TSPAN32: variants seen among roughly 807,000 people sequenced by gnomAD.
TSPAN32 encodes tetraspanin 32, also known as tetraspanin-32.
Under a neutral mutation model 42.7 loss-of-function variants are expected in TSPAN32, and 47 were observed. The observed-to-expected ratio is 1.10, with a 90% CI of 0.87 to 1.40. The LOEUF (loss-of-function observed/expected upper bound fraction) is 1.40. Ranked by LOEUF, TSPAN32 falls within the 40% of genes most tolerant of loss-of-function variation. The pLI is 0.00. For missense variants in TSPAN32, 469 were observed against 424.1 expected (o/e 1.11, Z -0.93); for synonymous variants, 175 against 175.9 (o/e 0.99, Z 0.04).
In TSPAN32 at chr11:2,317,921, C is replaced by A; in HGVS notation, c.960C>A (p.Asp320Glu). 9.3e-7 allele frequency: 1 copy of A among 1,074,276 alleles called. No homozygotes were observed. Among genetic ancestry groups the A allele is most frequent in the Non-Finnish European group, 1.5e-6 (1 of 687,444 alleles). The allele number at this position is 1,074,276 out of a possible 1,614,324, so 66.5% of individuals were successfully genotyped here. A position where few individuals can be genotyped will look rare whatever the true frequency, so the allele number is the denominator to read the frequency against. Residue 320 changes from aspartate to glutamate, a missense_variant, in exon 10 of 10, where the codon GAC (aspartate) becomes GAA (glutamate). Asp to Glu is a conservative substitution (Grantham distance 45). Transcript: ENST00000182290. This position sits in a 1 kb window ranked among gnomAD's most constrained non-coding sequence, Gnocchi z 6.2. Reference protein sequence around the residue: ...LSGCPERGLSD With the variant: ...LSGCPERGLSE ...GGTGCCCTGAGCGGGGTCTCTCAGA[C>A]TGACGTCAGGCCTTGGTGGGCTGCA...
chr11:2,314,618 G>A, intron 6 of TSPAN32, 47 bp downstream of exon 6: 1 of 1,495,664 alleles, frequency 6.7e-7, no homozygotes, highest in Non-Finnish European at 9.1e-7. Flanking sequence ...CTCGGGGGCT[G>A]GACACCCTGG....
Position 2,304,686 on chromosome 11 carries a change from C to T in TSPAN32, c.279+482C>T, listed in dbSNP as rs1847973564. On this transcript the variant is annotated intron_variant, in intron 3 of 9. Transcript: ENST00000182290. This position sits in a 1 kb window ranked among gnomAD's most constrained non-coding sequence, Gnocchi z 4.8. The stretch of plus-strand genomic sequence containing the variant: ...CCAGCCTGGGCTCTCCGGAGCTGCA[C>T]ACTCTCCTTCCCAGCTGCCGGAGGT... Among the ~76,000 whole-genome samples, 1 of 152,078 alleles carries T rather than the reference C, an allele frequency of 6.6e-6. No homozygotes were observed. Among genetic ancestry groups the T allele is most frequent in the Admixed American group, 6.5e-5 (1 of 15,276 alleles).
Position 2,302,132 on chromosome 11 carries a change from G to T in TSPAN32, c.-18G>T. 6.8e-7 allele frequency: 1 copy of T among 1,479,008 alleles called. No homozygotes were observed. The allele number at this position is 1,479,008 out of a possible 1,614,324, so 91.6% of individuals were successfully genotyped here. A position where few individuals can be genotyped will look rare whatever the true frequency, so the allele number is the denominator to read the frequency against. On this transcript the variant is annotated 5_prime_UTR_variant, in exon 1 of 10. The change creates a premature stop within an existing upstream ORF in the 5' untranslated region. Coordinates refer to ENST00000182290, the MANE Select transcript of TSPAN32 (RefSeq NM_139022.3). ...GGGAGGGGAAGGGAGGGGAGGAGAGGAGAGGAGAGGAACCGTCATGGGGCC... is the reference window on the plus strand; with the variant it reads ...GGGAGGGGAAGGGAGGGGAGGAGAGTAGAGGAGAGGAACCGTCATGGGGCC...
At chr11:2,316,134 A>G (rs1848774195) in intron 6 of TSPAN32, 95 bp from the exon 7 acceptor site, 2 of 1,519,556 alleles carry the variant, frequency 1.3e-6, no homozygotes, top group Non-Finnish European at 1.8e-6. Flanking sequence ...GCATTGGCCT[A>G]GGTGGGCGCT....
rs529431046 is a variant in TSPAN32, at chr11:2,305,378, C to G, written c.279+1174C>G. 5.3e-5 allele frequency among the ~76,000 whole-genome samples: 8 copies of G among 151,414 alleles called. 2 individuals carry two copies. On this transcript the variant is annotated intron_variant, in intron 3 of 9. Transcript: ENST00000182290. ...GACAAGGCAGGTAGTCTGCCCCCCC[C>G]CCCAGAGGGTGTGTGGCCTGCAAAG...
rs529858570 is a variant in TSPAN32, at chr11:2,302,551, G to T, written c.67-293G>T. On this transcript the variant is annotated intron_variant, in intron 1 of 9. Coordinates refer to ENST00000182290, the MANE Select transcript of TSPAN32 (RefSeq NM_139022.3). ...CTGCCCCGGAGGGTGCTGGCACAGG[G>T]GTGGGGCTCACTCCCACTCCGTAGA... 2.0e-5 allele frequency among the ~76,000 whole-genome samples: 3 copies of T among 152,344 alleles called. No individual in the cohort carries two copies. In the East Asian group the frequency reaches 5.8e-4, roughly 29 times the overall value.
chr11:2,302,571 C>T (rs967220536), intron 1 of TSPAN32: 11 of 551,680 alleles, frequency 2.0e-5, no homozygotes, highest in African/African-American at 1.1e-4. Flanking sequence ...ACTCCCACTC[C>T]GTAGACACAA....
At chr11:2,316,425 C>T in intron 7 of TSPAN32, 113 bp downstream of exon 7, 1 of 1,545,600 alleles carries the variant, frequency 6.5e-7, no homozygotes, top group Non-Finnish European at 8.7e-7. Context: ...TTGAGCCTCA[C>T]TGGCTGCCAA....
intron 3 of TSPAN32, among the ~76,000 whole-genome samples, chr11:2,305,570 G>A (rs79064532): frequency 0.013 from 2,050 of 152,332 alleles, 57 homozygotes; most frequent in African/African-American, 0.047. Flanking sequence ...GCTGGGCCAC[G>A]GGGCTCCTGT....
chr11:2,317,959 G>A lies in TSPAN32; in HGVS notation c.*35G>A. ...TTGGTGGGCTGCACTCTCACCTGGA[G>A]GCTCCGGGGAAGCATCTGCCTCCAG... On this transcript the variant is annotated 3_prime_UTR_variant, in exon 10 of 10. Coordinates refer to ENST00000182290, the MANE Select transcript of TSPAN32 (RefSeq NM_139022.3). The surrounding 1 kb of genome is among the most constrained non-coding windows in gnomAD (Gnocchi z 6.2). 2.4e-6 allele frequency: 2 copies of A among 830,504 alleles called. No individual in the cohort carries two copies. Among genetic ancestry groups the A allele is most frequent in the South Asian group, 2.7e-5 (2 of 74,726 alleles). The allele number at this position is 830,504 out of a possible 1,614,324, so 51.4% of individuals were successfully genotyped here.
intron 3 of TSPAN32, among the ~76,000 whole-genome samples, chr11:2,306,044 CTCTG>C (rs1848063797): frequency 2.4e-5 from 1 of 40,852 alleles, no homozygotes; most frequent in South Asian, 7.7e-4. Flanking sequence ...GTGCAGGTGC[CTCTG>C]TGTGTGTGTG....
In TSPAN32 at chr11:2,304,605, C is replaced by T. The variant is rs1847966320; in HGVS notation, c.279+401C>T. 6.6e-6 allele frequency among the ~76,000 whole-genome samples: 1 copy of T among 152,122 alleles called. No homozygotes were observed. The highest frequency in any genetic ancestry group is 2.1e-4 in the South Asian group (1 of 4,830). On this transcript the variant is annotated intron_variant, in intron 3 of 9. Coordinates refer to ENST00000182290, the MANE Select transcript of TSPAN32 (RefSeq NM_139022.3). The surrounding 1 kb of genome is among the most constrained non-coding windows in gnomAD (Gnocchi z 4.8). ...AGCTCTGGGAGGGCACTGGGAGCATCCCATTTCCTGTTCGGAGGAGGCCGG... is the reference window on the plus strand; with the variant it reads ...AGCTCTGGGAGGGCACTGGGAGCATTCCATTTCCTGTTCGGAGGAGGCCGG...
chr11:2,309,415 C>G, intron 4 of TSPAN32: 1 of 462,606 alleles, frequency 2.2e-6, no homozygotes, highest in South Asian at 1.6e-5. Context: ...GTGGAAAGGC[C>G]AGCAGCTTGG....
At position 2,317,422 on chromosome 11, in the gene TSPAN32, A is replaced by G. The variant is rs1308647037; in HGVS notation, c.798A>G (p.Glu266=). The stretch of plus-strand genomic sequence containing the variant: ...GACCCACACATTGTCTCCACTCCGA[A>G]GCAGTTGCTATTGGTCCAAGAGGAT... ...QGGPTHCLHS[E]AVAIGPRGCS... The change falls in exon 9 of 10, where the codon GAA becomes GAG. Residue 266 remains glutamate, a synonymous_variant. Transcript: ENST00000182290. The surrounding 1 kb of genome is among the most constrained non-coding windows in gnomAD (Gnocchi z 6.2). 1 of 1,603,440 alleles carries G rather than the reference A, an allele frequency of 6.2e-7. No homozygotes were observed. Among genetic ancestry groups the G allele is most frequent in the Admixed American group, 1.7e-5 (1 of 58,638 alleles).
At position 2,315,992 on chromosome 11, in the gene TSPAN32, G is replaced by A. The variant is rs755383084; in HGVS notation, c.544-237G>A. On this transcript the variant is annotated intron_variant, in intron 6 of 9. Coordinates refer to ENST00000182290, the MANE Select transcript of TSPAN32 (RefSeq NM_139022.3). ...GGACAGCTGGGAGACGGCACCGGCC[G>A]GGCCCAGGGCAGTGCCAGAGTGCCC... is the stretch of plus-strand genomic sequence containing the variant. 3.9e-5 allele frequency: 60 copies of A among 1,532,912 alleles called. 1 individual carries two copies. In the Admixed American group the frequency reaches 9.2e-4, roughly 24 times the overall value. 95.0% of individuals were successfully genotyped at this position (1,532,912 alleles called of 1,614,324 possible). A position where few individuals can be genotyped will look rare whatever the true frequency, so the allele number is the denominator to read the frequency against.
intron 6 of TSPAN32, chr11:2,314,832 C>T: frequency 1.9e-6 from 1 of 518,638 alleles, no homozygotes; most frequent in South Asian, 2.1e-5. Flanking sequence ...ACGCAGGCCC[C>T]ATGCGCCATT....
At chr11:2,302,369 A>G (rs1847805847) in intron 1 of TSPAN32, 154 bp downstream of exon 1, 2 of 861,598 alleles carry the variant, frequency 2.3e-6, no homozygotes, top group Non-Finnish European at 3.2e-6. Flanking sequence ...CTGCCCTTGC[A>G]GACAGCCGCA....
intron 8 of TSPAN32, 84 bp downstream of exon 8, chr11:2,316,751 A>G: frequency 1.4e-6 from 2 of 1,414,680 alleles, no homozygotes; most frequent in Non-Finnish European, 1.9e-6. Context: ...AGCTGCTAGG[A>G]GGGAGCCCCG....
rs1344227821 is a variant in TSPAN32 at position 2,317,640 on chromosome 11, G to A, written c.901+115G>A. ...GAGCCAGGCTCCATTGGGAACAGATGCAAGGGTAAGGGGTAGCTCACCAAA... is the reference window on the plus strand; with the variant it reads ...GAGCCAGGCTCCATTGGGAACAGATACAAGGGTAAGGGGTAGCTCACCAAA... On this transcript the variant is annotated intron_variant, in intron 9 of 9. Coordinates refer to ENST00000182290, the MANE Select transcript of TSPAN32 (RefSeq NM_139022.3). The surrounding 1 kb of genome is among the most constrained non-coding windows in gnomAD (Gnocchi z 6.2). 19 of 1,487,060 alleles carry A rather than the reference G, an allele frequency of 1.3e-5. No individual in the cohort carries two copies. Among genetic ancestry groups the A allele is most frequent in the Non-Finnish European group, 1.7e-5 (19 of 1,124,372 alleles). 92.1% of individuals were successfully genotyped at this position (1,487,060 alleles called of 1,614,324 possible).
Sources: gnomAD v4.1 joint callset for allele counts (sites outside exome capture counted in the v4.1 genomes callset) on GRCh38, gnomAD v4.1.1 for gene constraint, Gnocchi (gnomAD v3.1) non-coding constraint, MANE v1.5 for transcripts, NCBI Gene and HGNC (gene_info 2026-07-23, HGNC 2026-07-21) for gene names.